The following PODXL variants were observed in gnomAD, a reference collection of about 807,000 sequenced individuals.
The protein encoded by PODXL is podocalyxin.
A neutral mutation model predicts 48.9 loss-of-function variants in PODXL; 20 were observed. The ratio of observed to expected loss-of-function variants is 0.41; its 90% CI spans 0.29 to 0.59. PODXL has a LOEUF of 0.59. PODXL is among the 20% of genes least tolerant of loss of function. PODXL has a pLI of 0.31. For synonymous variants in PODXL, 295 were observed against 287.4 expected (o/e 1.03, Z -0.27); for missense variants, 606 against 675.1 (o/e 0.90, Z 1.13).
At chr7:131,515,683 G>A (rs899352414) in intron 1 of PODXL, among the ~76,000 whole-genome samples, 5 of 152,166 alleles carry the variant, frequency 3.3e-5, no homozygotes, top group East Asian at 1.9e-4. Flanking sequence ...GATTACAGAC[G>A]TGAGCCACCG....
At chr7:131,509,654 C>A in intron 3 of PODXL, 69 bp from the exon 4 acceptor site, 1 of 1,098,642 alleles carries the variant, frequency 9.1e-7, no homozygotes, top group Non-Finnish European at 1.3e-6. Context: ...ACAATCTTTT[C>A]TTGCTCTAAT....
At chr7:131,506,174 T>G (rs1386481913) in intron 7 of PODXL, 86 bp downstream of exon 7, 2 of 1,554,886 alleles carry the variant, frequency 1.3e-6, no homozygotes, top group Non-Finnish European at 8.9e-7. Context: ...ATGACGGGGT[T>G]CCTCCCCACA....
chr7:131,503,075 C>T lies in PODXL; in HGVS notation c.*1236G>A, dbSNP rs777214223. The T allele has an allele frequency of 2.0e-5, 3 of 152,720 alleles. No individual in the cohort carries two copies. Among genetic ancestry groups the T allele is most frequent in the Non-Finnish European group, 4.4e-5 (3 of 68,098 alleles). 9.5% of individuals were successfully genotyped at this position (152,720 alleles called of 1,614,324 possible). ...TGAGTGAGATGAGCTAACTGGACGT[C>T]TGCCAACTGTCTGAGCTTTTGGCCT... is the stretch of plus-strand genomic sequence containing the variant. On this transcript the variant is annotated 3_prime_UTR_variant, in exon 9 of 9. Transcript: ENST00000378555.
rs1292876325 is a variant in PODXL, at chr7:131,501,213, A to G, written c.*3098T>C. ...AAAAAAAATCAAGCAAAAACTTGTC[A>G]TTTCCAGTAAGACATTTACATTCCT... On this transcript the variant is annotated 3_prime_UTR_variant, in exon 9 of 9. Transcript: ENST00000378555. 6.6e-6 allele frequency: 1 copy of G among 152,554 alleles called. No homozygotes were observed. Among genetic ancestry groups the G allele is most frequent in the African/African-American group, 2.4e-5 (1 of 41,420 alleles). The allele number at this position is 152,554 out of a possible 1,614,324, so 9.5% of individuals were successfully genotyped here. A position where few individuals can be genotyped will look rare whatever the true frequency, so the allele number is the denominator to read the frequency against.
intron 1 of PODXL, among the ~76,000 whole-genome samples, chr7:131,518,868 A>G (rs2116808785): frequency 6.6e-6 from 1 of 152,292 alleles, no homozygotes; most frequent in South Asian, 2.1e-4. Flanking sequence ...ATGGAGAAGA[A>G]AACTGATATG....
intron 1 of PODXL, among the ~76,000 whole-genome samples, chr7:131,526,804 C>T (rs772280578): frequency 5.1e-5 from 7 of 137,996 alleles, no homozygotes; most frequent in African/African-American, 8.6e-5. Context: ...GGCGCGATCT[C>T]GGCTCACTAT....
At position 131,504,132 on chromosome 7, in the gene PODXL, G is replaced by A; in HGVS notation, c.*179C>T. 1 of 603,610 alleles carries A rather than the reference G, an allele frequency of 1.7e-6. No individual in the cohort carries two copies. Among genetic ancestry groups the A allele is most frequent in the South Asian group, 2.0e-5 (1 of 50,542 alleles). 37.4% of individuals were successfully genotyped at this position (603,610 alleles called of 1,614,324 possible). ...GTGGGTTATTTTACAAGAGGAATCT[G>A]GACAGAATGTGATTTGTTCAGGTTG... On this transcript the variant is annotated 3_prime_UTR_variant, in exon 9 of 9. Coordinates refer to ENST00000378555, the MANE Select transcript of PODXL (RefSeq NM_001018111.3).
chr7:131,538,472 C>G (rs934799548), intron 1 of PODXL, among the ~76,000 whole-genome samples: 29 of 152,276 alleles, frequency 1.9e-4, no homozygotes, highest in Middle Eastern at 3.4e-3. Flanking sequence ...GGTGACACTG[C>G]ATCCTCCAGG....
chr7:131,547,355 CAA>C (rs1298841667), intron 1 of PODXL, among the ~76,000 whole-genome samples: 10 of 80,834 alleles, frequency 1.2e-4, no homozygotes, highest in Middle Eastern at 0.014. Context: ...CCTGGACAAA[CAA>C]GAGTGAAACT....
intron 1 of PODXL, among the ~76,000 whole-genome samples, chr7:131,532,631 C>T (rs1463956861): frequency 6.6e-6 from 1 of 151,826 alleles, no homozygotes; most frequent in East Asian, 1.9e-4. Flanking sequence ...GGCTCAGGGC[C>T]CCAAAAGTGG....
chr7:131,548,483 G>A (rs1798618104), intron 1 of PODXL, among the ~76,000 whole-genome samples: 1 of 152,200 alleles, frequency 6.6e-6, no homozygotes, highest in Non-Finnish European at 1.5e-5. Context: ...GTCACATGTG[G>A]TTTCTGGGAG....
chr7:131,544,363 C>T (rs773426091), intron 1 of PODXL, among the ~76,000 whole-genome samples: 9 of 152,214 alleles, frequency 5.9e-5, no homozygotes, highest in Non-Finnish European at 1.3e-4. Context: ...CCAGATTCAT[C>T]CAGGGCTGTA....
At chr7:131,553,729 A>G (rs1288340918) in intron 1 of PODXL, among the ~76,000 whole-genome samples, 1 of 152,218 alleles carries the variant, frequency 6.6e-6, no homozygotes, top group Non-Finnish European at 1.5e-5. Context: ...ATTGAACATC[A>G]GATTGAGAGT....
At position 131,508,309 on chromosome 7, in the gene PODXL, G is replaced by A. The variant is rs371664909; in HGVS notation, c.1101+642C>T. Reference sequence around the variant, plus strand: ...ATCCCATCAGCTCCTCAGGTTAGAGGGAGAATCTCCCAGCACTGTTCGTCC... The same window carrying A: ...ATCCCATCAGCTCCTCAGGTTAGAGAGAGAATCTCCCAGCACTGTTCGTCC... On this transcript the variant is annotated intron_variant, in intron 5 of 8. Coordinates refer to ENST00000378555, the MANE Select transcript of PODXL (RefSeq NM_001018111.3). 2.0e-5 allele frequency among the ~76,000 whole-genome samples: 3 copies of A among 152,136 alleles called. 1 individual carries two copies. Among genetic ancestry groups the A allele is most frequent in the African/African-American group, 4.8e-5 (2 of 41,430 alleles).
intron 1 of PODXL, among the ~76,000 whole-genome samples, chr7:131,532,840 C>T (rs1798306080): frequency 6.6e-6 from 1 of 152,108 alleles, no homozygotes; most frequent in East Asian, 1.9e-4. Context: ...GAGGAAGAGA[C>T]AGCAGAACTT....
rs575998213 is a variant in PODXL, at chr7:131,513,279, T to C, written c.101-1846A>G. On this transcript the variant is annotated intron_variant, in intron 1 of 8. Transcript: ENST00000378555. Reference sequence around the variant, plus strand: ...GAACAGCGTTGGCCACAGGAAGCTATTGACACTGGAGACAAAAGGTGGAGA... The same window carrying C: ...GAACAGCGTTGGCCACAGGAAGCTACTGACACTGGAGACAAAAGGTGGAGA... Among the ~76,000 whole-genome samples the C allele has an allele frequency of 5.3e-5, 8 of 152,262 alleles. 1 individual carries two copies. In the East Asian group the frequency reaches 1.4e-3, roughly 26 times the overall value.
chr7:131,523,933 G>A (rs1390362447), intron 1 of PODXL, among the ~76,000 whole-genome samples: 1 of 151,118 alleles, frequency 6.6e-6, no homozygotes, highest in East Asian at 2.0e-4. Context: ...TGAGTGGCTG[G>A]GATTACAGGT....
intron 1 of PODXL, among the ~76,000 whole-genome samples, chr7:131,553,696 T>A (rs1345211688): frequency 6.6e-6 from 1 of 152,210 alleles, no homozygotes; most frequent in Non-Finnish European, 1.5e-5. Context: ...CCAAGCTGCC[T>A]TTCTGTTGCC....
chr7:131,542,928 G>A (rs1798507070), intron 1 of PODXL, among the ~76,000 whole-genome samples: 1 of 152,104 alleles, frequency 6.6e-6, no homozygotes, highest in African/African-American at 2.4e-5. Context: ...GTCTTTGCTG[G>A]CACAAGGTCT....
Sources: gnomAD v4.1 joint callset for allele counts (sites outside exome capture counted in the v4.1 genomes callset) on GRCh38, gnomAD v4.1.1 for gene constraint, MANE v1.5 for transcripts, NCBI Gene and HGNC (gene_info 2026-07-23, HGNC 2026-07-21) for gene names.